The following CACNA1A variants were observed in gnomAD, a reference collection of about 807,000 sequenced individuals.
CACNA1A encodes the protein calcium voltage-gated channel subunit alpha1 A.
In CACNA1A, 57 loss-of-function variants were observed where a neutral mutation model predicts 262.4. The observed-to-expected ratio is 0.22, with a 90% CI of 0.18 to 0.27. The LOEUF is 0.27. CACNA1A is among the 10% of genes least tolerant of loss of function. The pLI is 1.00. For missense variants in CACNA1A, 2,526 were observed against 3,562.8 expected, an observed-to-expected ratio of 0.71 and a Z score of 7.41; for synonymous variants, 1,431 against 1,419.3, an observed-to-expected ratio of 1.01 and a Z score of -0.18.
chr19:13,504,021 C>G (rs1159035136), intron 1 of CACNA1A, among the ~76,000 whole-genome samples: 1 of 152,070 alleles, frequency 6.6e-6, no homozygotes, highest in Non-Finnish European at 1.5e-5. Flanking sequence ...GGGCTCCCCA[C>G]CTCCTTCCTT....
In CACNA1A at chr19:13,375,013, T is replaced by C. The variant is rs141430498; in HGVS notation, c.540-3234A>G. Among the ~76,000 whole-genome samples the C allele has an allele frequency of 7.2e-5, 11 of 152,300 alleles. 1 individual carries two copies. The highest frequency in any genetic ancestry group is 2.4e-4 in the African/African-American group (10 of 41,584). On this transcript the variant is annotated intron_variant, in intron 3 of 46. Transcript: ENST00000360228. ...TTGTGCTTTGCTTTATTGCAATTTG[T>C]AGATATTGTGTTTCTTACAAATTGA...
intron 3 of CACNA1A, among the ~76,000 whole-genome samples, chr19:13,447,205 T>C (rs928689492): frequency 2.0e-5 from 3 of 152,118 alleles, no homozygotes; most frequent in Admixed American, 6.5e-5. Flanking sequence ...AAAAAAAATA[T>C]ACATATACAC....
At position 13,207,774 on chromosome 19, in the gene CACNA1A, G is replaced by A; in HGVS notation, c.7060C>T (p.Pro2354Ser). 7 of 1,382,946 alleles carry A rather than the reference G, an allele frequency of 5.1e-6. No homozygotes were observed. The highest frequency in any genetic ancestry group is 5.6e-6 in the Non-Finnish European group (6 of 1,076,834). The allele number at this position is 1,382,946 out of a possible 1,614,324, so 85.7% of individuals were successfully genotyped here. A position where few individuals can be genotyped will look rare whatever the true frequency, so the allele number is the denominator to read the frequency against. ...CCGCTGCTGTGGCCCCCCGTGGGCG[G>A]CCGATCTCCGGCCAGAGGCTCGGCC... Reference protein sequence around the residue: ...PTAEPLAGDRPPTGGHSSGRS... With the variant: ...PTAEPLAGDRSPTGGHSSGRS... The change falls in exon 47 of 47, where the codon CCG (proline) becomes TCG (serine). Residue 2354 changes from proline (P) to serine (S), a missense_variant. Physicochemically the swap from Pro to Ser is moderately conservative, Grantham distance 74 (BLOSUM62 -1). Transcript: ENST00000360228. The surrounding 1 kb of genome is among the most constrained non-coding windows in gnomAD (Gnocchi z 5.7).
intron 46 of CACNA1A, among the ~76,000 whole-genome samples, chr19:13,208,460 G>A (rs1383056800): frequency 6.8e-6 from 1 of 147,570 alleles, no homozygotes; most frequent in East Asian, 2.1e-4. Flanking sequence ...AAGGTCGGGC[G>A]GCACGGCCCA....
intron 3 of CACNA1A, among the ~76,000 whole-genome samples, chr19:13,406,466 T>TAC (rs2060006665): frequency 1.5e-4 from 1 of 6,712 alleles, no homozygotes; most frequent in Non-Finnish European, 4.8e-4. Context: ...AAAAAAAAAT[T>TAC]ATATATATAT....
At chr19:13,223,646 G>A (rs1049076534) in intron 38 of CACNA1A, among the ~76,000 whole-genome samples, 3 of 152,168 alleles carry the variant, frequency 2.0e-5, no homozygotes, top group Admixed American at 6.5e-5. Context: ...CCTGCGTGGC[G>A]TGCCCTCACT....
chr19:13,233,996 G>T (rs1323273306), intron 34 of CACNA1A, among the ~76,000 whole-genome samples: 3 of 148,830 alleles, frequency 2.0e-5, no homozygotes, highest in Non-Finnish European at 4.4e-5. Flanking sequence ...CTTGCAGTGA[G>T]CCGAGATGGC....
Position 13,473,272 on chromosome 19 carries a change from A to C in CACNA1A, c.294-18060T>G, listed in dbSNP as rs542854248. Among the ~76,000 whole-genome samples the C allele has an allele frequency of 3.8e-3, 573 of 150,948 alleles. 4 individuals are homozygous for C. The highest frequency in any genetic ancestry group is 0.01 in the Middle Eastern group (3 of 290). ...CCTGACAAAAAAAAAAAAAAGAGAG[A>C]GAGAGAAGAGGAAGAGAAGACACTG... On this transcript the variant is annotated intron_variant, in intron 1 of 46. Transcript: ENST00000360228.
At chr19:13,454,300 C>T (rs2060966276) in intron 2 of CACNA1A, among the ~76,000 whole-genome samples, 1 of 151,654 alleles carries the variant, frequency 6.6e-6, no homozygotes, top group Non-Finnish European at 1.5e-5. Context: ...CTGCCAGCCA[C>T]ACCCTTCTCC....
chr19:13,415,742 T>TGAAAAAAAAAAAAAAAAA (rs2060207819), intron 3 of CACNA1A, among the ~76,000 whole-genome samples: 1 of 23,416 alleles, frequency 4.3e-5, no homozygotes, highest in African/African-American at 1.4e-4. Context: ...TCTGTCTCAA[T>TGAAAAAAAAAAAAAAAAA]TAAAAAAAAA....
intron 1 of CACNA1A, among the ~76,000 whole-genome samples, chr19:13,469,829 G>A (rs754103241): frequency 6.6e-6 from 1 of 151,430 alleles, no homozygotes; most frequent in Non-Finnish European, 1.5e-5. Context: ...CCATCCCATC[G>A]AGCCCTGCAA....
intron 1 of CACNA1A, among the ~76,000 whole-genome samples, chr19:13,494,651 AG>A: frequency 6.6e-6 from 1 of 152,344 alleles, no homozygotes; most frequent in East Asian, 1.9e-4. Context: ...TAAAGAAAAG[AG>A]GTTCAATTGA....
chr19:13,506,066 C>G lies in CACNA1A; in HGVS notation c.159G>C (p.Ala53=), dbSNP rs767892925. ...AGAGTGCCATGGTCCGCGCTCTCTG[C>G]GCCATTGACTGCTTGTACATCCTTT... ...GAQRMYKQSM[A]QRARTMALYN... The change falls in exon 1 of 47, where the codon GCG becomes GCC. Residue 53 remains alanine (A), a synonymous_variant. Coordinates refer to ENST00000360228, the MANE Select transcript of CACNA1A (RefSeq NM_001127222.2). 6.2e-7 allele frequency: 1 copy of G among 1,613,882 alleles called. No individual in the cohort carries two copies. The highest frequency in any genetic ancestry group is 8.5e-7 in the Non-Finnish European group (1 of 1,179,854).
intron 30 of CACNA1A, among the ~76,000 whole-genome samples, chr19:13,250,234 AT>A (rs1386961062): frequency 6.6e-6 from 1 of 150,760 alleles, no homozygotes; most frequent in Non-Finnish European, 1.5e-5. Flanking sequence ...TAATTTTTGT[AT>A]TTTTAGTAGA....
rs747413278 is a variant in CACNA1A, at chr19:13,298,820, C to A, written c.2813G>T (p.Gly938Val). 3.2e-6 allele frequency: 5 copies of A among 1,570,826 alleles called. No individual in the cohort carries two copies. In the Admixed American group the frequency reaches 5.3e-5, roughly 17 times the overall value. ...PHRRHVHRQG[G>V]SRESRSGSPR... is the part of the protein sequence containing the mutation. ...GGACCCGCTGCGGCTCTCCCTGCTG[C>A]CCCCCTGCCGGTGCACGTGCCTCCG... Residue 938 changes from glycine (G) to valine (V), a missense_variant, in exon 19 of 47, where the codon GGC becomes GTC. Around this residue, in one of 17 missense-constraint regions of CACNA1A, gnomAD observed 765 missense variants for 748.6 expected, o/e 1.02. Transcript: ENST00000360228.
chr19:13,265,638 G>C (rs1028895127), intron 24 of CACNA1A, among the ~76,000 whole-genome samples: 2 of 152,250 alleles, frequency 1.3e-5, no homozygotes, highest in South Asian at 2.1e-4. Context: ...TCTCAGAGGG[G>C]CATAATCATT....
At chr19:13,400,983 C>A (rs561548633) in intron 3 of CACNA1A, among the ~76,000 whole-genome samples, 1 of 152,264 alleles carries the variant, frequency 6.6e-6, no homozygotes, top group African/African-American at 2.4e-5. Context: ...CACCGCCACA[C>A]CCAGCTAATT....
intron 3 of CACNA1A, among the ~76,000 whole-genome samples, chr19:13,433,283 ACT>A (rs1432054173): frequency 7.6e-5 from 10 of 132,132 alleles, no homozygotes; most frequent in Non-Finnish European, 1.4e-4. Flanking sequence ...ACAGTGCGAG[ACT>A]CTGTCTCAAA....
rs1491579757 is a variant in CACNA1A, at chr19:13,320,236, T to TTGAGAGAGAG, written c.1346-2916_1346-2915insCTCTCTCTCA. 6.1e-4 allele frequency among the ~76,000 whole-genome samples: 45 copies of TTGAGAGAGAG among 73,538 alleles called. 1 individual carries two copies. Among genetic ancestry groups the TTGAGAGAGAG allele is most frequent in the African/African-American group, 2.3e-3 (45 of 19,664 alleles). The allele number at this position is 73,538 out of a possible 152,430, so 48.2% of individuals were successfully genotyped here. ...GGGGACAGGGGGGATGTTCCACAGATCGAGAGAGAGAGAGAGAGAGAGAGA... is the reference window on the plus strand; with the variant it reads ...GGGGACAGGGGGGATGTTCCACAGATTGAGAGAGAGCGAGAGAGAGAGAGAGAGAGAGAGA... On this transcript the variant is annotated intron_variant, in intron 10 of 46. Transcript: ENST00000360228.
Sources: gnomAD v4.1 joint callset for allele counts (sites outside exome capture counted in the v4.1 genomes callset) on GRCh38, gnomAD v4.1.1 for gene constraint, gnomAD v4.1.1 regional missense constraint, Gnocchi (gnomAD v3.1) non-coding constraint, MANE v1.5 for transcripts, NCBI Gene and HGNC (gene_info 2026-07-23, HGNC 2026-07-21) for gene names.